Variants in SLC24A2 observed in about 807,000 individuals in gnomAD.
SLC24A2 encodes the protein sodium/potassium/calcium exchanger 2.
Under a neutral mutation model 62.0 loss-of-function variants are expected in SLC24A2, and 36 were observed. That is an observed-to-expected ratio of 0.58 (90% CI 0.44 to 0.77). The LOEUF is 0.77. SLC24A2 is among the 30% of genes least tolerant of loss of function. The probability of loss-of-function intolerance (pLI) is 0.00; values close to 1 mark genes in which losing one functional copy is unlikely to be tolerated. For synonymous variants in SLC24A2, 358 were observed against 294.0 expected (o/e 1.22, Z -2.23); for missense variants, 846 against 817.9 (o/e 1.03, Z -0.42).
At chr9:20,289,641 C>T in the SLC24A2 span, among the ~76,000 whole-genome samples, 1 of 152,186 alleles carries the variant, frequency 6.6e-6, no homozygotes. Context: ...GAGTCAGGCG[C>T]TCTTTTGTCT....
the SLC24A2 span, among the ~76,000 whole-genome samples, chr9:19,850,038 A>G: frequency 1.4e-5 from 2 of 144,208 alleles, no homozygotes; most frequent in East Asian, 2.0e-4. Context: ...TTTTTTTTGT[A>G]GGATGAATGT....
chr9:19,953,106 G>T, the SLC24A2 span, among the ~76,000 whole-genome samples: 71 of 151,992 alleles, frequency 4.7e-4, no homozygotes, highest in Non-Finnish European at 7.8e-4. Flanking sequence ...TTTAGCATCT[G>T]TATCTTGTCC....
intron 2 of SLC24A2, among the ~76,000 whole-genome samples, chr9:19,659,697 T>C (rs1819041653): frequency 6.6e-6 from 1 of 152,174 alleles, no homozygotes; most frequent in Admixed American, 6.5e-5. Context: ...ATGACATGCC[T>C]GATTTTCAGA....
the SLC24A2 span, among the ~76,000 whole-genome samples, chr9:19,968,301 T>C: frequency 6.6e-6 from 1 of 152,220 alleles, no homozygotes; most frequent in Admixed American, 6.5e-5. Context: ...ACAGCAGCTT[T>C]TGTTTTCTTT....
At chr9:19,946,164 A>G in the SLC24A2 span, among the ~76,000 whole-genome samples, 3 of 152,200 alleles carry the variant, frequency 2.0e-5, no homozygotes, top group African/African-American at 7.2e-5. Flanking sequence ...GGCCATCCCT[A>G]TCACTAAGTC....
chr9:19,842,716 T>G, the SLC24A2 span, among the ~76,000 whole-genome samples: 1 of 152,208 alleles, frequency 6.6e-6, no homozygotes, highest in African/African-American at 2.4e-5. Context: ...GAGTGCTTTA[T>G]GCTACTGAAC....
At chr9:20,223,943 G>A in the SLC24A2 span, among the ~76,000 whole-genome samples, 1 of 149,694 alleles carries the variant, frequency 6.7e-6, no homozygotes, top group African/African-American at 2.4e-5. Context: ...AGGCGAAAGG[G>A]AAGCAAGTAC....
the SLC24A2 span, among the ~76,000 whole-genome samples, chr9:19,837,769 C>A: frequency 6.6e-6 from 1 of 151,842 alleles, no homozygotes; most frequent in African/African-American, 2.4e-5. Context: ...TCTTATATAC[C>A]AATAACAGAC....
the SLC24A2 span, among the ~76,000 whole-genome samples, chr9:20,189,649 C>T: frequency 2.0e-5 from 3 of 152,204 alleles, no homozygotes; most frequent in African/African-American, 7.2e-5. Flanking sequence ...TTGAATTTCA[C>T]ATGGCATGAG....
the SLC24A2 span, among the ~76,000 whole-genome samples, chr9:20,206,479 G>C: frequency 6.6e-6 from 1 of 152,080 alleles, no homozygotes; most frequent in African/African-American, 2.4e-5. Context: ...TACATAATTG[G>C]TTTATTATTA....
At chr9:19,778,428 C>A (rs1822909215) in intron 2 of SLC24A2, among the ~76,000 whole-genome samples, 1 of 151,808 alleles carries the variant, frequency 6.6e-6, no homozygotes, top group Admixed American at 6.6e-5. Flanking sequence ...AGCTGAGACT[C>A]CTGAAGGGTT....
chr9:20,161,374 T>C, the SLC24A2 span, among the ~76,000 whole-genome samples: 3 of 151,382 alleles, frequency 2.0e-5, no homozygotes, highest in African/African-American at 7.3e-5. Context: ...AAAATTCTTT[T>C]TGAAGTAAGT....
chr9:19,969,442 A>G, the SLC24A2 span, among the ~76,000 whole-genome samples: 1 of 152,176 alleles, frequency 6.6e-6, no homozygotes, highest in Middle Eastern at 3.2e-3. Context: ...ATAAAGCACA[A>G]AAAAATTCCA....
the SLC24A2 span, among the ~76,000 whole-genome samples, chr9:20,183,919 T>G: frequency 6.6e-6 from 1 of 152,078 alleles, no homozygotes; most frequent in East Asian, 1.9e-4. Flanking sequence ...CTCAGCCCCA[T>G]CAAACTCAAA....
the SLC24A2 span, among the ~76,000 whole-genome samples, chr9:20,095,950 G>A: frequency 3.3e-5 from 5 of 151,930 alleles, no homozygotes; most frequent in South Asian, 1.0e-3. Flanking sequence ...GAACAGTATG[G>A]GGGAAACCAC....
rs201385451 is a variant in SLC24A2, at chr9:19,671,058, T to C, written c.931-48759A>G. ...CTTTCCTAAACAGCAGCATTTACTG[T>C]TTGGAAAACCAAACATCACATGTGA... On this transcript the variant is annotated intron_variant, in intron 2 of 10. Coordinates refer to ENST00000341998, the MANE Select transcript of SLC24A2 (RefSeq NM_020344.4). Among the ~76,000 whole-genome samples the C allele has an allele frequency of 4.7e-5, 3 of 64,116 alleles. 1 individual carries two copies. Among genetic ancestry groups the C allele is most frequent in the African/African-American group, 1.0e-4 (3 of 29,998 alleles). 42.1% of individuals were successfully genotyped at this position (64,116 alleles called of 152,430 possible). A position where few individuals can be genotyped will look rare whatever the true frequency, so the allele number is the denominator to read the frequency against.
chr9:19,562,211 T>TAACATAAAAGCTAACTGGAGA (rs1835437893), intron 7 of SLC24A2, among the ~76,000 whole-genome samples: 1 of 152,206 alleles, frequency 6.6e-6, no homozygotes, highest in Non-Finnish European at 1.5e-5. Context: ...AGTGATTTGC[T>TAACATAAAAGCTAACTGGAGA]AACATAAAAG....
At chr9:19,951,436 T>C in the SLC24A2 span, among the ~76,000 whole-genome samples, 1 of 152,312 alleles carries the variant, frequency 6.6e-6, no homozygotes, top group Middle Eastern at 3.4e-3. Context: ...TTGCTTAACC[T>C]AATGTCACAA....
chr9:19,682,960 C>A (rs1819765173), intron 2 of SLC24A2, among the ~76,000 whole-genome samples: 1 of 152,000 alleles, frequency 6.6e-6, no homozygotes, highest in South Asian at 2.1e-4. Flanking sequence ...AAACTGAAAG[C>A]AGCTGTTTCA....
Sources: gnomAD v4.1 joint callset for allele counts (sites outside exome capture counted in the v4.1 genomes callset) on GRCh38, gnomAD v4.1.1 for gene constraint, MANE v1.5 for transcripts, NCBI Gene and HGNC (gene_info 2026-07-23, HGNC 2026-07-21) for gene names.